The following LIPI variants were observed in gnomAD, a reference collection of about 807,000 sequenced individuals.
The protein encoded by LIPI is lipase I, also known as lipase member I.
In LIPI, 59 loss-of-function variants were observed where a neutral mutation model predicts 50.6. That is an observed-to-expected ratio of 1.16 (90% confidence interval 0.94 to 1.45). The LOEUF is 1.45. Among genes scored for constraint, LIPI ranks in the 40% most tolerant of loss-of-function variants. The pLI, the probability that LIPI is intolerant of heterozygous loss-of-function variation, is 0.00. For missense variants in LIPI, 586 were observed against 536.3 expected (o/e 1.09, Z -0.92); for synonymous variants, 203 against 178.2 (o/e 1.14, Z -1.11).
chr21:14,111,885 G>A (rs1440711246), intron 9 of LIPI, among the ~76,000 whole-genome samples: 2 of 151,988 alleles, frequency 1.3e-5, no homozygotes, highest in Non-Finnish European at 2.9e-5. Flanking sequence ...GGGTACATGT[G>A]CAGGTTTGTT....
intron 4 of LIPI, among the ~76,000 whole-genome samples, chr21:14,175,723 GT>G (rs1253745886): frequency 6.6e-6 from 1 of 151,978 alleles, no homozygotes; most frequent in East Asian, 1.9e-4. Context: ...TGAGTTCAAG[GT>G]TTTTTTCATC....
chr21:14,131,117 AT>A lies in LIPI; in HGVS notation c.1295+13505del, dbSNP rs540340931. On this transcript the variant is annotated intron_variant, in intron 9 of 9. Coordinates refer to ENST00000681601, the MANE Select transcript of LIPI (RefSeq NM_001302998.2). Reference sequence around the variant, plus strand: ...AGGCGCCTGCCACCACACCCGGCTAATTTTTTGTATTTTTAGTAGAGATGGG... The same window carrying A: ...AGGCGCCTGCCACCACACCCGGCTAATTTTTGTATTTTTAGTAGAGATGGG... Among the ~76,000 whole-genome samples the A allele has an allele frequency of 3.8e-3, 577 of 152,026 alleles. 2 individuals carry two copies. Among genetic ancestry groups the A allele is most frequent in the African/African-American group, 0.013 (552 of 41,472 alleles).
chr21:14,178,583 G>T, intron 4 of LIPI, among the ~76,000 whole-genome samples: 1 of 151,776 alleles, frequency 6.6e-6, no homozygotes, highest in African/African-American at 2.4e-5. Flanking sequence ...CTAATTTTTT[G>T]TTAAATTTTT....
At chr21:14,194,822 G>A (rs1159901179) in intron 1 of LIPI, among the ~76,000 whole-genome samples, 2 of 152,112 alleles carry the variant, frequency 1.3e-5, no homozygotes, top group East Asian at 3.9e-4. Context: ...TTTTTTCTGT[G>A]TGTTTGACAC....
intron 9 of LIPI, among the ~76,000 whole-genome samples, chr21:14,136,826 T>C (rs1216468281): frequency 6.6e-6 from 1 of 152,134 alleles, no homozygotes; most frequent in Admixed American, 6.5e-5. Flanking sequence ...TGGCCACAGG[T>C]GTGCTTGTGT....
chr21:14,207,558 A>T (rs969284335), intron 1 of LIPI, among the ~76,000 whole-genome samples: 11 of 152,188 alleles, frequency 7.2e-5, no homozygotes, highest in South Asian at 2.1e-4. Flanking sequence ...AAGTCTTTAT[A>T]CCAGGAATTC....
intron 1 of LIPI, among the ~76,000 whole-genome samples, chr21:14,197,317 T>C (rs1228802246): frequency 6.6e-6 from 1 of 152,116 alleles, no homozygotes; most frequent in Non-Finnish European, 1.5e-5. Context: ...CTATGTATTA[T>C]TTTTTAATAT....
chr21:14,170,297 C>T lies in LIPI; in HGVS notation c.644-3846G>A, dbSNP rs1200514162. ...TTCTACCAGAAGTACAAGGAGGAAC[C>T]GGTACCATTCCTTCTGAAACTATTC... On this transcript the variant is annotated intron_variant, in intron 4 of 9. Transcript: ENST00000681601. Among the ~76,000 whole-genome samples, 24 of 152,176 alleles carry T rather than the reference C, an allele frequency of 1.6e-4. No homozygotes were observed. In the South Asian group the frequency reaches 1.9e-3, roughly 12 times the overall value.
In LIPI at chr21:14,208,877, C is replaced by T. The variant is rs115922740; in HGVS notation, c.46+1923G>A. 3.0e-3 allele frequency among the ~76,000 whole-genome samples: 457 copies of T among 152,190 alleles called. 3 individuals carry two copies. Among genetic ancestry groups the T allele is most frequent in the African/African-American group, 0.011 (440 of 41,536 alleles). ...GACCAGCCTGGGTAACATAGTGAAA[C>T]GCTGTCTCTCCAAAAATTACAAAAT... On this transcript the variant is annotated intron_variant, in intron 1 of 9. Coordinates refer to ENST00000681601, the MANE Select transcript of LIPI (RefSeq NM_001302998.2).
chr21:14,173,657 G>A (rs1170206189), intron 4 of LIPI, among the ~76,000 whole-genome samples: 1 of 152,146 alleles, frequency 6.6e-6, no homozygotes, highest in Non-Finnish European at 1.5e-5. Context: ...ATAAATAGAT[G>A]GTTCTGACAG....
rs150816907 is a variant in LIPI at position 14,150,793 on chromosome 21, A to C, written c.1118+1780T>G. ...GCCGAAAAGTTTCTCTCAATAAAAG[A>C]TGGGTCTTGACGAAAGTCAAGAATT... On this transcript the variant is annotated intron_variant, in intron 8 of 9. Coordinates refer to ENST00000681601, the MANE Select transcript of LIPI (RefSeq NM_001302998.2). 2.4e-3 allele frequency among the ~76,000 whole-genome samples: 362 copies of C among 152,316 alleles called. 1 individual carries two copies. Among genetic ancestry groups the C allele is most frequent in the African/African-American group, 8.3e-3 (345 of 41,564 alleles).
chr21:14,156,559 C>T (rs1206504855), intron 7 of LIPI, among the ~76,000 whole-genome samples: 2 of 151,784 alleles, frequency 1.3e-5, no homozygotes, highest in African/African-American at 2.4e-5. Context: ...TCTGGACTAC[C>T]GAACTTTAAG....
At chr21:14,161,440 A>G (rs901606402) in intron 7 of LIPI, among the ~76,000 whole-genome samples, 5 of 140,426 alleles carry the variant, frequency 3.6e-5, no homozygotes, top group African/African-American at 1.3e-4. Context: ...ATATCAATAT[A>G]TATTATATAT....
chr21:14,164,522 C>T (rs973237257), intron 6 of LIPI, among the ~76,000 whole-genome samples: 12 of 152,130 alleles, frequency 7.9e-5, no homozygotes, highest in South Asian at 2.1e-4. Flanking sequence ...TCCTCGAACC[C>T]CTTTGGCTTT....
chr21:14,147,472 A>C (rs11087930), intron 8 of LIPI, among the ~76,000 whole-genome samples: 13,983 of 152,044 alleles, frequency 0.092, 808 homozygotes, highest in East Asian at 0.27. Flanking sequence ...CGTGTAGATA[A>C]TCATTAAAAA....
At chr21:14,141,092 G>A (rs757615615) in intron 9 of LIPI, among the ~76,000 whole-genome samples, 8 of 151,982 alleles carry the variant, frequency 5.3e-5, no homozygotes, top group African/African-American at 1.7e-4. Flanking sequence ...TGTTCTTTTC[G>A]TTCTTTTAGT....
intron 4 of LIPI, among the ~76,000 whole-genome samples, chr21:14,178,538 A>G (rs1320539954): frequency 6.6e-6 from 1 of 152,116 alleles, no homozygotes; most frequent in African/African-American, 2.4e-5. Context: ...AACTTTCATT[A>G]TTTTTGTCAA....
intron 1 of LIPI, among the ~76,000 whole-genome samples, chr21:14,194,435 G>A (rs1568881436): frequency 6.6e-6 from 1 of 152,070 alleles, no homozygotes; most frequent in East Asian, 1.9e-4. Context: ...AACAAAACCT[G>A]GTAGATATCT....
intron 9 of LIPI, among the ~76,000 whole-genome samples, chr21:14,131,373 T>C (rs914485526): frequency 9.9e-5 from 15 of 152,114 alleles, no homozygotes; most frequent in Admixed American, 1.3e-4. Context: ...TCAGTTAGCA[T>C]CCAAGTCCCC....
Sources: allele counts gnomAD v4.1 joint callset (sites outside exome capture counted in the v4.1 genomes callset), GRCh38; gene constraint gnomAD v4.1.1; transcripts MANE v1.5; gene names NCBI Gene and HGNC (gene_info 2026-07-23, HGNC 2026-07-21).